Variants in GRM8 observed in about 807,000 individuals in gnomAD.
The protein encoded by GRM8 is metabotropic glutamate receptor 8.
In GRM8, 47 loss-of-function variants were observed where a neutral mutation model predicts 87.2. The observed-to-expected ratio is 0.54, with a 90% CI of 0.43 to 0.69. GRM8 has a LOEUF of 0.69. Among genes scored for constraint, GRM8 ranks in the 30% least tolerant of loss-of-function variants. The pLI, the probability that GRM8 is intolerant of heterozygous loss-of-function variation, is 0.00. For missense variants in GRM8, 1,019 were observed against 1,139.2 expected, an observed-to-expected ratio of 0.89 and a Z score of 1.52; for synonymous variants, 396 against 404.5, an observed-to-expected ratio of 0.98 and a Z score of 0.25.
chr7:127,035,914 CCT>C (rs1817800654), intron 3 of GRM8, among the ~76,000 whole-genome samples: 1 of 152,158 alleles, frequency 6.6e-6, no homozygotes, highest in Non-Finnish European at 1.5e-5. Flanking sequence ...CCAAGCATTC[CCT>C]GACAATATGA....
Position 126,669,696 on chromosome 7 carries a change from A to C in GRM8, c.1358-60198T>G, listed in dbSNP as rs992477517. Reference sequence around the variant, plus strand: ...TAGCACACAATTAAAGCAACTTAACAAGTTTCACCTTAAAGATAACAATTG... The same window carrying C: ...TAGCACACAATTAAAGCAACTTAACCAGTTTCACCTTAAAGATAACAATTG... On this transcript the variant is annotated intron_variant, in intron 7 of 10. Transcript: ENST00000339582. Among the ~76,000 whole-genome samples the C allele has an allele frequency of 2.0e-5, 3 of 152,338 alleles. No individual in the cohort carries two copies. In the South Asian group the frequency reaches 6.2e-4, roughly 32 times the overall value.
intron 9 of GRM8, among the ~76,000 whole-genome samples, chr7:126,483,809 T>C (rs966909672): frequency 1.5e-4 from 19 of 123,332 alleles, no homozygotes; most frequent in Non-Finnish European, 2.7e-4. Flanking sequence ...TTGCTGGTCA[T>C]GATACATTAA....
chr7:127,222,138 G>A lies in GRM8; in HGVS notation c.510+20557C>T, dbSNP rs28952006. On this transcript the variant is annotated intron_variant, in intron 2 of 10. Transcript: ENST00000339582. ...GCATTAACATCACCAACATGCAGTG[G>A]CTCATGCCAGTAATCCCAGCACTTT... Among the ~76,000 whole-genome samples, 107 of 152,320 alleles carry A rather than the reference G, an allele frequency of 7.0e-4. 2 individuals are homozygous for A. The East Asian group carries it at 0.02, about 29-fold the overall frequency.
intron 8 of GRM8, among the ~76,000 whole-genome samples, chr7:126,558,151 T>C (rs966637658): frequency 6.6e-6 from 1 of 152,194 alleles, no homozygotes; most frequent in Non-Finnish European, 1.5e-5. Context: ...AAATTCTAGG[T>C]AGCATTTATG....
intron 6 of GRM8, among the ~76,000 whole-genome samples, chr7:126,795,328 T>C (rs1334707248): frequency 6.6e-6 from 1 of 152,136 alleles, no homozygotes; most frequent in Non-Finnish European, 1.5e-5. Context: ...CTCCACTATC[T>C]CATATACTCA....
chr7:126,951,060 A>G (rs1202949555), intron 3 of GRM8, among the ~76,000 whole-genome samples: 1 of 152,128 alleles, frequency 6.6e-6, no homozygotes, highest in Non-Finnish European at 1.5e-5. Flanking sequence ...AATGGAGTAC[A>G]ATAATGCTGT....
chr7:126,672,471 C>T (rs1384619371), intron 7 of GRM8, among the ~76,000 whole-genome samples: 1 of 152,200 alleles, frequency 6.6e-6, no homozygotes, highest in African/African-American at 2.4e-5. Context: ...TTAAAAGGCA[C>T]CTTCTCTTTT....
chr7:126,457,035 C>T (rs773947206), intron 9 of GRM8, among the ~76,000 whole-genome samples: 7 of 151,062 alleles, frequency 4.6e-5, no homozygotes, highest in South Asian at 2.1e-4. Context: ...ATACATAATA[C>T]GATATTTTCA....
chr7:126,788,647 T>C (rs76831921), intron 6 of GRM8, among the ~76,000 whole-genome samples: 1,703 of 152,082 alleles, frequency 0.011, 33 homozygotes, highest in African/African-American at 0.039. Context: ...CTGTTTCCTC[T>C]ACAAATGGAC....
chr7:127,141,287 C>T (rs912416962), intron 2 of GRM8, among the ~76,000 whole-genome samples: 3 of 151,544 alleles, frequency 2.0e-5, no homozygotes, highest in African/African-American at 7.3e-5. Flanking sequence ...CAGATCTTGG[C>T]TCATGACATT....
intron 3 of GRM8, among the ~76,000 whole-genome samples, chr7:126,912,164 T>C (rs1803378452): frequency 6.6e-6 from 1 of 152,038 alleles, no homozygotes; most frequent in Non-Finnish European, 1.5e-5. Flanking sequence ...GCCACTGCAC[T>C]CCAGCCTGGG....
intron 9 of GRM8, among the ~76,000 whole-genome samples, chr7:126,454,743 C>A (rs555043377): frequency 2.0e-5 from 3 of 151,502 alleles, no homozygotes. Flanking sequence ...AATTAGGACA[C>A]AAGACACACA....
chr7:126,926,417 T>C (rs1033451622), intron 3 of GRM8, among the ~76,000 whole-genome samples: 10 of 152,150 alleles, frequency 6.6e-5, no homozygotes, highest in African/African-American at 2.4e-4. Context: ...CTCTCAAGTC[T>C]ACTCCAGCCA....
intron 8 of GRM8, among the ~76,000 whole-genome samples, chr7:126,575,002 T>C (rs1794989569): frequency 6.6e-6 from 1 of 152,122 alleles, no homozygotes; most frequent in Non-Finnish European, 1.5e-5. Flanking sequence ...AATTCTCTGG[T>C]GATTCCTTTT....
At chr7:127,196,918 C>T (rs748582123) in intron 2 of GRM8, among the ~76,000 whole-genome samples, 1 of 152,154 alleles carries the variant, frequency 6.6e-6, no homozygotes. Context: ...GACTGGGTCT[C>T]ACTATGTTGC....
At chr7:126,546,860 C>T (rs1562943830) in intron 8 of GRM8, among the ~76,000 whole-genome samples, 1 of 152,116 alleles carries the variant, frequency 6.6e-6, no homozygotes, top group Non-Finnish European at 1.5e-5. Flanking sequence ...GTCAAAGTAA[C>T]CCTAAATGGA....
At chr7:126,946,525 GAA>G (rs1807557044) in intron 3 of GRM8, among the ~76,000 whole-genome samples, 1 of 152,142 alleles carries the variant, frequency 6.6e-6, no homozygotes, top group African/African-American at 2.4e-5. Context: ...GAAAAGGAAA[GAA>G]AAAGTCAAAA....
At position 126,438,766 on chromosome 7, in the gene GRM8, C is replaced by A. The variant is rs545842570; in HGVS notation, c.*353G>T. The A allele has an allele frequency of 1.0e-4, 22 of 218,498 alleles. No individual in the cohort carries two copies. Among genetic ancestry groups the A allele is most frequent in the Non-Finnish European group, 1.8e-4 (20 of 109,256 alleles). 13.5% of individuals were successfully genotyped at this position (218,498 alleles called of 1,614,324 possible). On this transcript the variant is annotated 3_prime_UTR_variant, in exon 11 of 11. Coordinates refer to ENST00000339582, the MANE Select transcript of GRM8 (RefSeq NM_000845.3). Reference sequence around the variant, plus strand: ...CAAGTTAAACAATGTGGGACAGGAACGGGAGTTCTCACAATCACAGAAAAA... The same window carrying A: ...CAAGTTAAACAATGTGGGACAGGAAAGGGAGTTCTCACAATCACAGAAAAA...
At chr7:127,037,171 C>A (rs1817922657) in intron 3 of GRM8, among the ~76,000 whole-genome samples, 1 of 152,094 alleles carries the variant, frequency 6.6e-6, no homozygotes, top group South Asian at 2.1e-4. Context: ...AATCATAGAT[C>A]CCTTTGCTAA....
Sources: allele counts gnomAD v4.1 joint callset (sites outside exome capture counted in the v4.1 genomes callset), GRCh38; gene constraint gnomAD v4.1.1; transcripts MANE v1.5; gene names NCBI Gene and HGNC (gene_info 2026-07-23, HGNC 2026-07-21).